The following CAMTA1 variants were observed in gnomAD, a reference collection of about 807,000 sequenced individuals.
CAMTA1 encodes calmodulin binding transcription activator 1, also known as calmodulin-binding transcription activator 1.
Under a neutral mutation model 170.9 loss-of-function variants are expected in CAMTA1, and 27 were observed. That is an observed-to-expected ratio of 0.16 (90% CI 0.12 to 0.22). CAMTA1 has a LOEUF of 0.22. Ranked by LOEUF, CAMTA1 falls within the 10% of genes least tolerant of loss-of-function variation. The probability of loss-of-function intolerance (pLI) is 1.00; values close to 1 mark genes in which losing one functional copy is unlikely to be tolerated. For missense variants in CAMTA1, 1,619 were observed against 2,217.2 expected (o/e 0.73, Z 5.42); for synonymous variants, 833 against 891.5 (o/e 0.93, Z 1.17).
At chr1:7,209,871 A>G (rs746309070) in intron 4 of CAMTA1, among the ~76,000 whole-genome samples, 2 of 152,202 alleles carry the variant, frequency 1.3e-5, no homozygotes, top group African/African-American at 4.8e-5. Context: ...GTAGGAATAA[A>G]ATGAAGAATT....
Position 7,106,887 on chromosome 1 carries a change from A to T in CAMTA1, c.302+15516A>T, listed in dbSNP as rs757521381. Among the ~76,000 whole-genome samples, 4 of 152,110 alleles carry T rather than the reference A, an allele frequency of 2.6e-5. No individual in the cohort carries two copies. The East Asian group carries it at 7.8e-4, about 30-fold the overall frequency. ...TGGTGTGACTCAGGGAGGCACCAGG[A>T]TTAGATCTGGCTTGAGATAGTGGTC... On this transcript the variant is annotated intron_variant, in intron 4 of 22. Coordinates refer to ENST00000303635, the MANE Select transcript of CAMTA1 (RefSeq NM_015215.4).
intron 1 of CAMTA1, among the ~76,000 whole-genome samples, chr1:6,812,985 T>C (rs1251870208): frequency 2.0e-5 from 3 of 152,248 alleles, no homozygotes; most frequent in Non-Finnish European, 2.9e-5. Context: ...TTTTTTTATT[T>C]AGCCTGCCCC....
rs558827999 is a variant in CAMTA1, at chr1:7,173,505, A to G, written c.303-75986A>G. On this transcript the variant is annotated intron_variant, in intron 4 of 22. Transcript: ENST00000303635. The surrounding 1 kb of genome is among the most constrained non-coding windows in gnomAD (Gnocchi z 5.4). Reference sequence around the variant, plus strand: ...AGGGTTCAAGCGATTCTCCTACCTCAGCATCTCAAGTAGCTGGGATTACAG... The same window carrying G: ...AGGGTTCAAGCGATTCTCCTACCTCGGCATCTCAAGTAGCTGGGATTACAG... Among the ~76,000 whole-genome samples the G allele has an allele frequency of 6.6e-6, 1 of 152,070 alleles. No individual in the cohort carries two copies. The highest frequency in any genetic ancestry group is 1.9e-4 in the East Asian group (1 of 5,158).
intron 3 of CAMTA1, among the ~76,000 whole-genome samples, chr1:7,054,656 A>G (rs918511202): frequency 3.9e-5 from 6 of 152,182 alleles, no homozygotes; most frequent in Non-Finnish European, 5.9e-5. Flanking sequence ...GGGAACAGGC[A>G]GTAGCGTGAC....
At chr1:7,086,635 T>C (rs1472008765) in intron 3 of CAMTA1, among the ~76,000 whole-genome samples, 1 of 152,186 alleles carries the variant, frequency 6.6e-6, no homozygotes, top group Non-Finnish European at 1.5e-5. Context: ...TTGCCTATTC[T>C]AGATATTTCA....
intron 3 of CAMTA1, among the ~76,000 whole-genome samples, chr1:6,922,034 G>T (rs1239508434): frequency 6.6e-6 from 1 of 152,146 alleles, no homozygotes; most frequent in Non-Finnish European, 1.5e-5. Flanking sequence ...ATAAAGGAAA[G>T]AATATTTTGA....
At chr1:7,560,738 A>T (rs755122434) in intron 6 of CAMTA1, among the ~76,000 whole-genome samples, 5 of 152,202 alleles carry the variant, frequency 3.3e-5, no homozygotes, top group Non-Finnish European at 7.3e-5. Flanking sequence ...TGGCTGGCTC[A>T]TGCGACTGCC....
At chr1:7,730,018 C>G (rs548593329) in intron 11 of CAMTA1, among the ~76,000 whole-genome samples, 1 of 152,222 alleles carries the variant, frequency 6.6e-6, no homozygotes, top group Admixed American at 6.5e-5. Flanking sequence ...TATGTGGTCA[C>G]AGCTGTTCAG....
chr1:7,184,876 A>G (rs1029602622), intron 4 of CAMTA1, among the ~76,000 whole-genome samples: 2 of 152,228 alleles, frequency 1.3e-5, no homozygotes, highest in African/African-American at 4.8e-5. Flanking sequence ...CTCCCCAAGT[A>G]ACTTTTGGGC....
chr1:7,174,925 G>GTCCCA (rs1650464258), intron 4 of CAMTA1, among the ~76,000 whole-genome samples: 1 of 152,208 alleles, frequency 6.6e-6, no homozygotes, highest in South Asian at 2.1e-4. Flanking sequence ...ACATCCGGAT[G>GTCCCA]TCCCATCATG....
chr1:7,312,214 C>T (rs1026234345), intron 5 of CAMTA1, among the ~76,000 whole-genome samples: 1 of 152,112 alleles, frequency 6.6e-6, no homozygotes, highest in African/African-American at 2.4e-5. Flanking sequence ...AGTTTCCCTT[C>T]TTTCATGGTT....
intron 5 of CAMTA1, among the ~76,000 whole-genome samples, chr1:7,379,742 A>G (rs1401334392): frequency 3.3e-5 from 5 of 152,284 alleles, no homozygotes; most frequent in Admixed American, 3.3e-4. Context: ...GAACTCCTTC[A>G]CTGTCTTTGT....
At chr1:7,584,585 G>A (rs565243051) in intron 6 of CAMTA1, among the ~76,000 whole-genome samples, 17 of 152,162 alleles carry the variant, frequency 1.1e-4, no homozygotes, top group Admixed American at 3.3e-4. Context: ...TTAAGTACCC[G>A]CTCTGGGGTA....
chr1:6,879,972 G>A (rs1166981765), intron 3 of CAMTA1, among the ~76,000 whole-genome samples: 1 of 151,942 alleles, frequency 6.6e-6, no homozygotes, highest in African/African-American at 2.4e-5. Flanking sequence ...TACTCAGAAC[G>A]GCATTATGCC....
In CAMTA1 at chr1:7,435,683, G is replaced by A. The variant is rs942515663; in HGVS notation, c.439-32147G>A. 4.6e-5 allele frequency among the ~76,000 whole-genome samples: 7 copies of A among 152,136 alleles called. No homozygotes were observed. Among genetic ancestry groups the A allele is most frequent in the Admixed American group, 2.6e-4 (4 of 15,280 alleles). ...TCTGACCAGGCAAGGGCTGGCCGCC[G>A]TTCTCATGGCTGAAGGGTACTCAGT... On this transcript the variant is annotated intron_variant, in intron 5 of 22. Transcript: ENST00000303635. This position sits in a 1 kb window ranked among gnomAD's most constrained non-coding sequence, Gnocchi z 4.4.
At chr1:7,227,777 T>C (rs1661986584) in intron 4 of CAMTA1, among the ~76,000 whole-genome samples, 1 of 152,220 alleles carries the variant, frequency 6.6e-6, no homozygotes, top group Admixed American at 6.5e-5. Flanking sequence ...TGGTAGTCTC[T>C]CTTGCTGCAA....
At chr1:6,938,986 G>A (rs1054633946) in intron 3 of CAMTA1, among the ~76,000 whole-genome samples, 2 of 152,194 alleles carry the variant, frequency 1.3e-5, no homozygotes, top group African/African-American at 4.8e-5. Flanking sequence ...GCAGCTTTTA[G>A]CAGATATTTG....
intron 3 of CAMTA1, among the ~76,000 whole-genome samples, chr1:6,879,649 T>C (rs1317518936): frequency 6.6e-6 from 1 of 150,494 alleles, no homozygotes; most frequent in Admixed American, 6.7e-5. Context: ...GTTCTTGCTC[T>C]GTCACCCAGA....
intron 4 of CAMTA1, among the ~76,000 whole-genome samples, chr1:7,124,978 T>G (rs1441997563): frequency 1.3e-5 from 2 of 152,154 alleles, no homozygotes; most frequent in African/African-American, 4.8e-5. Flanking sequence ...CCACTCTAAG[T>G]GCCGTCTCTG....
Sources: allele counts gnomAD v4.1 joint callset (sites outside exome capture counted in the v4.1 genomes callset), GRCh38; gene constraint gnomAD v4.1.1; non-coding constraint Gnocchi (gnomAD v3.1); transcripts MANE v1.5; gene names NCBI Gene and HGNC (gene_info 2026-07-23, HGNC 2026-07-21).